Variants in IQGAP2 observed in about 807,000 individuals in gnomAD.
IQGAP2 encodes the protein IQ motif containing GTPase activating protein 2, also known as ras GTPase-activating-like protein IQGAP2.
A neutral mutation model predicts 201.3 loss-of-function variants in IQGAP2; 173 were observed. The observed-to-expected ratio is 0.86, with a 90% confidence interval of 0.76 to 0.98. The LOEUF is 0.98. Among genes scored for constraint, IQGAP2 ranks in the 50% least tolerant of loss-of-function variants. IQGAP2 has a pLI of 0.00. For missense variants in IQGAP2, 1,687 were observed against 1,864.8 expected (o/e 0.90, Z 1.76); for synonymous variants, 675 against 673.9 (o/e 1.00, Z -0.03).
intron 1 of IQGAP2, among the ~76,000 whole-genome samples, chr5:76,416,841 T>C (rs909580356): frequency 6.6e-6 from 1 of 151,886 alleles, no homozygotes; most frequent in Non-Finnish European, 1.5e-5. Context: ...TCTTCTTTAT[T>C]TTTGGAGACA....
chr5:76,614,505 T>C (rs1370746756), intron 13 of IQGAP2, among the ~76,000 whole-genome samples: 1 of 152,206 alleles, frequency 6.6e-6, no homozygotes, highest in East Asian at 1.9e-4. Flanking sequence ...CTCTGTTCAT[T>C]GACTTTGAAA....
chr5:76,677,421 A>G, intron 28 of IQGAP2, 71 bp downstream of exon 28: 1 of 1,447,674 alleles, frequency 6.9e-7, no homozygotes, highest in Non-Finnish European at 9.6e-7. Context: ...GAAAATGCTT[A>G]ATCTCTACAG....
intron 2 of IQGAP2, among the ~76,000 whole-genome samples, chr5:76,543,632 C>G (rs993078932): frequency 2.6e-5 from 4 of 152,224 alleles, no homozygotes; most frequent in Non-Finnish European, 2.9e-5. Context: ...CAGCCAGTTT[C>G]TTTTTGCATC....
At chr5:76,599,101 G>T (rs1747241025) in intron 10 of IQGAP2, among the ~76,000 whole-genome samples, 1 of 152,078 alleles carries the variant, frequency 6.6e-6, no homozygotes, top group African/African-American at 2.4e-5. Context: ...TTCTGTATTG[G>T]CTGAGTGTGG....
intron 15 of IQGAP2, among the ~76,000 whole-genome samples, chr5:76,636,359 A>G (rs1299800216): frequency 4.6e-5 from 7 of 152,202 alleles, no homozygotes; most frequent in Non-Finnish European, 1.0e-4. Flanking sequence ...GAGATTCTTG[A>G]CCAATCTAAG....
chr5:76,412,008 C>T (rs1298415264), intron 1 of IQGAP2, among the ~76,000 whole-genome samples: 1 of 152,008 alleles, frequency 6.6e-6, no homozygotes, highest in Non-Finnish European at 1.5e-5. Context: ...TGATAGATGT[C>T]CTCCTTCTCC....
intron 1 of IQGAP2, among the ~76,000 whole-genome samples, chr5:76,429,893 A>G (rs1752269882): frequency 1.7e-5 from 2 of 118,326 alleles, no homozygotes; most frequent in South Asian, 5.8e-4. Context: ...ACACACACAC[A>G]CGACTATTTC....
intron 17 of IQGAP2, among the ~76,000 whole-genome samples, chr5:76,643,279 G>A (rs528576511): frequency 2.6e-5 from 4 of 152,158 alleles, no homozygotes; most frequent in Admixed American, 6.6e-5. Context: ...GTTATAGAAT[G>A]TAAATGAATT....
Position 76,668,757 on chromosome 5 carries a change from T to A in IQGAP2, c.2756T>A (p.Ile919Asn). 6.2e-7 allele frequency: 1 copy of A among 1,610,648 alleles called. No individual in the cohort carries two copies. The highest frequency in any genetic ancestry group is 8.5e-7 in the Non-Finnish European group (1 of 1,177,764). Residue 919 changes from isoleucine (I) to asparagine (N), a missense_variant, in exon 23 of 36, where the codon ATT becomes AAT. Coordinates refer to ENST00000274364, the MANE Select transcript of IQGAP2 (RefSeq NM_006633.5). Reference sequence around the variant, plus strand: ...TCCACTAAATTTATGGATACTGTTATTTTCACACTATATAATTATGCCTCT... The same window carrying A: ...TCCACTAAATTTATGGATACTGTTAATTTCACACTATATAATTATGCCTCT... Reference protein sequence around the residue: ...NKSTKFMDTVIFTLYNYASNQ... With the variant: ...NKSTKFMDTVNFTLYNYASNQ...
At position 76,483,715 on chromosome 5, in the gene IQGAP2, T is replaced by C. The variant is rs150288946; in HGVS notation, c.146+22046T>C. Among the ~76,000 whole-genome samples the C allele has an allele frequency of 9.6e-3, 1,463 of 152,156 alleles. 13 individuals carry two copies. The highest frequency in any genetic ancestry group is 0.014 in the Non-Finnish European group (984 of 68,000). On this transcript the variant is annotated intron_variant, in intron 2 of 35. Transcript: ENST00000274364. ...AGGCTCACCTCAGCTCCCCCATGGGTTGGGATATGTGTGTGTCTGCTCTTG... is the reference window on the plus strand; with the variant it reads ...AGGCTCACCTCAGCTCCCCCATGGGCTGGGATATGTGTGTGTCTGCTCTTG...
At chr5:76,595,717 C>T (rs1746983590) in intron 9 of IQGAP2, among the ~76,000 whole-genome samples, 2 of 151,612 alleles carry the variant, frequency 1.3e-5, no homozygotes, top group South Asian at 2.1e-4. Flanking sequence ...GCCAAGATTG[C>T]ACCACTGCAC....
chr5:76,656,038 G>C (rs1397186116), intron 20 of IQGAP2, among the ~76,000 whole-genome samples: 2 of 152,124 alleles, frequency 1.3e-5, no homozygotes, highest in African/African-American at 4.8e-5. Context: ...TATGGCTCAA[G>C]AAAGATCTTC....
intron 1 of IQGAP2, among the ~76,000 whole-genome samples, chr5:76,428,437 CTTTTTTT>C (rs1003388325): frequency 3.7e-5 from 5 of 135,700 alleles, no homozygotes; most frequent in Non-Finnish European, 6.4e-5. Flanking sequence ...ATCCTTTTTT[CTTTTTTT>C]TTTTTTTTTT....
At chr5:76,529,303 A>T (rs1759143497) in intron 2 of IQGAP2, among the ~76,000 whole-genome samples, 1 of 152,196 alleles carries the variant, frequency 6.6e-6, no homozygotes, top group Non-Finnish European at 1.5e-5. Context: ...GAGCTTCAGG[A>T]TATCCAGAAG....
At chr5:76,431,286 T>G (rs1752353506) in intron 1 of IQGAP2, among the ~76,000 whole-genome samples, 1 of 151,930 alleles carries the variant, frequency 6.6e-6, no homozygotes, top group African/African-American at 2.4e-5. Flanking sequence ...GATTTTAACT[T>G]TTAAAATACA....
chr5:76,572,499 T>G (rs538073611), intron 4 of IQGAP2, among the ~76,000 whole-genome samples: 42 of 151,820 alleles, frequency 2.8e-4, no homozygotes, highest in African/African-American at 9.7e-4. Flanking sequence ...TAGTTTCAAG[T>G]TTAAGAAAAA....
intron 1 of IQGAP2, among the ~76,000 whole-genome samples, chr5:76,449,805 C>T (rs1226850539): frequency 6.6e-6 from 1 of 152,180 alleles, no homozygotes; most frequent in Non-Finnish European, 1.5e-5. Context: ...CTCTGGTCTG[C>T]AGCTGACATG....
rs1041674062 is a variant in IQGAP2 at position 76,587,362 on chromosome 5, T to C, written c.459-1544T>C. On this transcript the variant is annotated intron_variant, in intron 5 of 35. Transcript: ENST00000274364. ...AACAAATACGAAATATGCACAAAGA[T>C]GTGTCTGTGTCTATATGTAAGTAGG... 4.3e-5 allele frequency among the ~76,000 whole-genome samples: 6 copies of C among 138,020 alleles called. No individual in the cohort carries two copies. The East Asian group carries it at 1.2e-3, about 28-fold the overall frequency. The allele number at this position is 138,020 out of a possible 152,430, so 90.5% of individuals were successfully genotyped here.
intron 1 of IQGAP2, among the ~76,000 whole-genome samples, chr5:76,426,935 T>TGTGTGTGTGTGTGA (rs894766853): frequency 1.2e-4 from 18 of 151,510 alleles, no homozygotes; most frequent in African/African-American, 4.1e-4. Flanking sequence ...TGTGTGTGTG[T>TGTGTGTGTGTGTGA]GAGTGTGTGC....
Sources: gnomAD v4.1 joint callset for allele counts (sites outside exome capture counted in the v4.1 genomes callset) on GRCh38, gnomAD v4.1.1 for gene constraint, MANE v1.5 for transcripts, NCBI Gene and HGNC (gene_info 2026-07-23, HGNC 2026-07-21) for gene names.